The following PCDHGA10 variants were observed in gnomAD, a reference collection of about 807,000 sequenced individuals.
The protein encoded by PCDHGA10 is protocadherin gamma subfamily A, 10.
In PCDHGA10, 42 loss-of-function variants were observed where a neutral mutation model predicts 59.5. The ratio of observed to expected loss-of-function variants is 0.71; its 90% confidence interval spans 0.55 to 0.91. The LOEUF is 0.91. Ranked by LOEUF, PCDHGA10 falls within the 40% of genes least tolerant of loss-of-function variation. The pLI is 0.00. For missense variants in PCDHGA10, 1,111 were observed against 1,198.2 expected (o/e 0.93, Z 1.07); for synonymous variants, 511 against 517.2 (o/e 0.99, Z 0.16).
rs537755017 is a variant in PCDHGA10 at position 141,491,797 on chromosome 5, G to A, written c.2437-3010G>A. 16 of 1,506,818 alleles carry A rather than the reference G, an allele frequency of 1.1e-5. No individual in the cohort carries two copies. In the Admixed American group the frequency reaches 2.2e-4, roughly 20 times the overall value. The allele number at this position is 1,506,818 out of a possible 1,614,324, so 93.3% of individuals were successfully genotyped here. A position where few individuals can be genotyped will look rare whatever the true frequency, so the allele number is the denominator to read the frequency against. ...ATTGAACTTGCATCCACTCCTCTCC[G>A]GCCGGCTTGGTCGCTGGCTGCGCTC... On this transcript the variant is annotated intron_variant, in intron 1 of 3. Transcript: ENST00000398610. The surrounding 1 kb of genome is among the most constrained non-coding windows in gnomAD (Gnocchi z 6.9).
chr5:141,481,475 C>T (rs1423011632), intron 1 of PCDHGA10, among the ~76,000 whole-genome samples: 1 of 152,200 alleles, frequency 6.6e-6, no homozygotes, highest in Non-Finnish European at 1.5e-5. Context: ...TTGGATTATA[C>T]ACTTTAAATA....
At position 141,432,643 on chromosome 5, in the gene PCDHGA10, G is replaced by A. The variant is rs2097523971; in HGVS notation, c.2436+17032G>A. 15 of 1,613,754 alleles carry A rather than the reference G, an allele frequency of 9.3e-6. No homozygotes were observed. Among genetic ancestry groups the A allele is most frequent in the East Asian group, 4.5e-5 (2 of 44,860 alleles). ...GTCTGCACACGGGCGAGGTGCGCAC[G>A]GCGCGAGCCCTGCTGGACAGAGACG... On this transcript the variant is annotated intron_variant, in intron 1 of 3. Coordinates refer to ENST00000398610, the MANE Select transcript of PCDHGA10 (RefSeq NM_018913.3). This position sits in a 1 kb window ranked among gnomAD's most constrained non-coding sequence, Gnocchi z 6.0.
chr5:141,492,461 G>T (rs1218833302), intron 1 of PCDHGA10, among the ~76,000 whole-genome samples: 1 of 152,212 alleles, frequency 6.6e-6, no homozygotes, highest in Non-Finnish European at 1.5e-5. Flanking sequence ...CGCGCCTGAG[G>T]GTCCCAGATC....
chr5:141,467,409 C>T (rs2099143590), intron 1 of PCDHGA10, among the ~76,000 whole-genome samples: 1 of 152,132 alleles, frequency 6.6e-6, no homozygotes, highest in South Asian at 2.1e-4. Context: ...GAAAGCCTTT[C>T]CCCACACCTA....
Position 141,413,425 on chromosome 5 carries a change from C to T in PCDHGA10, c.250C>T (p.Arg84Cys). The T allele has an allele frequency of 6.2e-7, 1 of 1,614,098 alleles. No homozygotes were observed. Among genetic ancestry groups the T allele is most frequent in the Non-Finnish European group, 8.5e-7 (1 of 1,179,964 alleles). The change falls in exon 1 of 4, where the codon CGC (arginine) becomes TGC (cysteine). Residue 84 changes from arginine to cysteine, a missense_variant. Transcript: ENST00000398610. The part of the protein sequence containing the change: ...GRTQLFSLNP[R>C]SGSLITAGRI... ...GACGCAGCTTTTCTCTCTGAACCCGCGCAGCGGCAGCTTGATCACCGCGGG... is the reference window on the plus strand; with the variant it reads ...GACGCAGCTTTTCTCTCTGAACCCGTGCAGCGGCAGCTTGATCACCGCGGG...
chr5:141,504,379 G>A lies in PCDHGA10; in HGVS notation c.2496-1014G>A, dbSNP rs181617363. On this transcript the variant is annotated intron_variant, in intron 2 of 3. Transcript: ENST00000398610. ...GCTTCAGTAGGAAGCAGGTGGAGTC[G>A]CTGCCTCACAGAAGCCAGTGTGGTG... Among the ~76,000 whole-genome samples the A allele has an allele frequency of 2.4e-3, 361 of 152,206 alleles. 1 individual carries two copies. The highest frequency in any genetic ancestry group is 0.021 in the Admixed American group (315 of 15,286).
At position 141,486,094 on chromosome 5, in the gene PCDHGA10, C is replaced by G. The variant is rs749887136; in HGVS notation, c.2437-8713C>G. 2 of 1,614,112 alleles carry G rather than the reference C, an allele frequency of 1.2e-6. No homozygotes were observed. Among genetic ancestry groups the G allele is most frequent in the Admixed American group, 3.3e-5 (2 of 60,018 alleles). ...CTGGAAAGCTTACTCTTTTGGGGCCCCTAGACTTTGAGAGTGAGAATTACT... is the reference window on the plus strand; with the variant it reads ...CTGGAAAGCTTACTCTTTTGGGGCCGCTAGACTTTGAGAGTGAGAATTACT... On this transcript the variant is annotated intron_variant, in intron 1 of 3. Coordinates refer to ENST00000398610, the MANE Select transcript of PCDHGA10 (RefSeq NM_018913.3). The surrounding 1 kb of genome is among the most constrained non-coding windows in gnomAD (Gnocchi z 5.0).
Position 141,455,633 on chromosome 5 carries a change from G to A in PCDHGA10, c.2437-39174G>A, listed in dbSNP as rs1049071525. On this transcript the variant is annotated intron_variant, in intron 1 of 3. Coordinates refer to ENST00000398610, the MANE Select transcript of PCDHGA10 (RefSeq NM_018913.3). ...ATGTTCTAAACACGTGGAGATATGT[G>A]GGGGGCAGCCATGTGGCCAGGAACT... Among the ~76,000 whole-genome samples, 19 of 152,198 alleles carry A rather than the reference G, an allele frequency of 1.2e-4. No homozygotes were observed. In the East Asian group the frequency reaches 3.1e-3, roughly 25 times the overall value.
At position 141,510,965 on chromosome 5, in the gene PCDHGA10, C is replaced by T. The variant is rs1473736492; in HGVS notation, c.2603C>T (p.Ser868Phe). The T allele has an allele frequency of 3.1e-6, 5 of 1,614,026 alleles. No homozygotes were observed. The highest frequency in any genetic ancestry group is 4.2e-6 in the Non-Finnish European group (5 of 1,180,020). The change falls in exon 4 of 4, where the codon TCC becomes TTC. Residue 868 changes from serine (S) to phenylalanine (F), a missense_variant. Transcript: ENST00000398610. ...TCTGCAGAAGCTGCTGATGGGAGCT[C>T]CACCCTGGGAGGGGGTGCCGGCACC... ...ASASEAADGS[S>F]TLGGGAGTMG...
At chr5:141,457,940 T>G (rs541807221) in intron 1 of PCDHGA10, among the ~76,000 whole-genome samples, 2 of 152,356 alleles carry the variant, frequency 1.3e-5, no homozygotes, top group East Asian at 3.9e-4. Flanking sequence ...TTTTATTGGC[T>G]CTGCATGTCA....
In PCDHGA10 at chr5:141,512,843, T is replaced by G. The variant is rs2099884463; in HGVS notation, c.*1670T>G. ...CCCTCCCCCGTACTGACTTCTCCTATAAGCGCTTCTCTTCGCATAGTCACG... is the reference window on the plus strand; with the variant it reads ...CCCTCCCCCGTACTGACTTCTCCTAGAAGCGCTTCTCTTCGCATAGTCACG... On this transcript the variant is annotated 3_prime_UTR_variant, in exon 4 of 4. Coordinates refer to ENST00000398610, the MANE Select transcript of PCDHGA10 (RefSeq NM_018913.3). 6.6e-6 allele frequency: 1 copy of G among 152,290 alleles called. No individual in the cohort carries two copies. The highest frequency in any genetic ancestry group is 1.5e-5 in the Non-Finnish European group (1 of 68,088). 9.4% of individuals were successfully genotyped at this position (152,290 alleles called of 1,614,324 possible).
At position 141,490,044 on chromosome 5, in the gene PCDHGA10, T is replaced by C; in HGVS notation, c.2437-4763T>C. The C allele has an allele frequency of 1.2e-6, 2 of 1,614,192 alleles. No individual in the cohort carries two copies. Among genetic ancestry groups the C allele is most frequent in the Non-Finnish European group, 1.7e-6 (2 of 1,180,024 alleles). The stretch of plus-strand genomic sequence containing the variant: ...TGCTGCTCCGCCTCAATGCCACTGA[T>C]CCAGACGAGGGCACCAACGGCCAAC... On this transcript the variant is annotated intron_variant, in intron 1 of 3. Transcript: ENST00000398610. The surrounding 1 kb of genome is among the most constrained non-coding windows in gnomAD (Gnocchi z 5.4).
chr5:141,450,846 A>C (rs2098698903), intron 1 of PCDHGA10, among the ~76,000 whole-genome samples: 1 of 115,730 alleles, frequency 8.6e-6, no homozygotes. Context: ...TTTTTTTGAG[A>C]TGGGGTCTTG....
rs2095623576 is a variant in PCDHGA10, at chr5:141,413,288, C to T, written c.113C>T (p.Ser38Leu). ...WEAGARQISYSIPEELEKGSF... is the reference protein window; with the variant it reads ...WEAGARQISYLIPEELEKGSF... ...GCTGGAGCCCGGCAGATCTCCTACT[C>T]AATTCCTGAGGAATTAGAGAAAGGC... The change falls in exon 1 of 4, where the codon TCA (serine) becomes TTA (leucine). Residue 38 changes from serine to leucine, a missense_variant. Transcript: ENST00000398610. 2 of 1,613,950 alleles carry T rather than the reference C, an allele frequency of 1.2e-6. No homozygotes were observed. Among genetic ancestry groups the T allele is most frequent in the East Asian group, 4.5e-5 (2 of 44,872 alleles).
intron 1 of PCDHGA10, among the ~76,000 whole-genome samples, chr5:141,471,071 C>T (rs1208702673): frequency 7.7e-6 from 1 of 129,696 alleles, no homozygotes; most frequent in Non-Finnish European, 1.6e-5. Context: ...TTTTTTGAGA[C>T]AGGGTCTCCC....
chr5:141,473,186 T>C (rs984810414), intron 1 of PCDHGA10, among the ~76,000 whole-genome samples: 1 of 152,134 alleles, frequency 6.6e-6, no homozygotes, highest in African/African-American at 2.4e-5. Flanking sequence ...CTTGAAGGAG[T>C]AAATGTATCT....
intron 1 of PCDHGA10, chr5:141,430,541 C>T: frequency 2.5e-6 from 1 of 392,344 alleles, no homozygotes; most frequent in Non-Finnish European, 4.5e-6. Flanking sequence ...ACTCTGAGCG[C>T]CGCTGTTCAC....
intron 1 of PCDHGA10, chr5:141,484,889 T>C (rs2099602721): frequency 2.8e-6 from 1 of 363,070 alleles, no homozygotes. Flanking sequence ...GTGGGCTTTT[T>C]CCCCTCCAAT....
At chr5:141,427,378 C>T in intron 1 of PCDHGA10, 1 of 458,520 alleles carries the variant, frequency 2.2e-6, no homozygotes, top group Non-Finnish European at 4.4e-6. Context: ...ACGGTGATCA[C>T]TCTGTTCAAA....
Sources: allele counts gnomAD v4.1 joint callset (sites outside exome capture counted in the v4.1 genomes callset), GRCh38; gene constraint gnomAD v4.1.1; non-coding constraint Gnocchi (gnomAD v3.1); transcripts MANE v1.5; gene names NCBI Gene and HGNC (gene_info 2026-07-23, HGNC 2026-07-21).